Variants in CREB5 observed in about 807,000 individuals in gnomAD.
The protein encoded by CREB5 is cAMP responsive element binding protein 5.
A neutral mutation model predicts 57.1 loss-of-function variants in CREB5; 19 were observed. The ratio of observed to expected loss-of-function variants is 0.33; its 90% CI spans 0.23 to 0.49. The LOEUF (loss-of-function observed/expected upper bound fraction) is 0.49. Among genes scored for constraint, CREB5 ranks in the 20% least tolerant of loss-of-function variants. The probability of loss-of-function intolerance (pLI) is 0.99; values close to 1 mark genes in which losing one functional copy is unlikely to be tolerated. For missense variants in CREB5, 579 were observed against 671.6 expected (o/e 0.86, Z 1.52); for synonymous variants, 238 against 238.3 (o/e 1.00, Z 0.01).
At chr7:28,703,366 A>G (rs567561039) in intron 5 of CREB5, among the ~76,000 whole-genome samples, 1 of 152,304 alleles carries the variant, frequency 6.6e-6, no homozygotes, top group East Asian at 1.9e-4. Flanking sequence ...AATTCTGCTA[A>G]TTCACTTCTA....
chr7:28,391,101 C>T (rs868807458), intron 1 of CREB5, among the ~76,000 whole-genome samples: 1 of 152,094 alleles, frequency 6.6e-6, no homozygotes. Context: ...ATTGGCTATT[C>T]GTTTCTTAGT....
chr7:28,372,830 C>G (rs1433550831), intron 1 of CREB5, among the ~76,000 whole-genome samples: 3 of 152,168 alleles, frequency 2.0e-5, no homozygotes, highest in African/African-American at 7.2e-5. Flanking sequence ...CCATGCAACT[C>G]TCTTAAAAAT....
chr7:28,447,600 T>C (rs915590420), intron 1 of CREB5, among the ~76,000 whole-genome samples: 19 of 152,260 alleles, frequency 1.2e-4, no homozygotes, highest in African/African-American at 4.6e-4. Flanking sequence ...ACATGGACCC[T>C]ACACATGCAC....
intron 1 of CREB5, among the ~76,000 whole-genome samples, chr7:28,478,384 T>C (rs1452873732): frequency 6.6e-6 from 1 of 151,332 alleles, no homozygotes; most frequent in Non-Finnish European, 1.5e-5. Flanking sequence ...AACTTCTCAA[T>C]AAGAAAACAG....
At chr7:28,413,336 C>T (rs952169800) in intron 1 of CREB5, among the ~76,000 whole-genome samples, 2 of 152,006 alleles carry the variant, frequency 1.3e-5, no homozygotes, top group Non-Finnish European at 2.9e-5. Context: ...CAGTTTTCCG[C>T]ATTCAAACCT....
intron 1 of CREB5, among the ~76,000 whole-genome samples, chr7:28,458,140 G>A (rs533828604): frequency 1.3e-5 from 2 of 152,244 alleles, no homozygotes; most frequent in African/African-American, 2.4e-5. Flanking sequence ...GACAGACTTC[G>A]TTTTAGATTT....
intron 5 of CREB5, among the ~76,000 whole-genome samples, chr7:28,631,935 G>T (rs187632885): frequency 6.6e-6 from 1 of 152,128 alleles, no homozygotes; most frequent in Non-Finnish European, 1.5e-5. Context: ...ACAGGCTTAG[G>T]CATGGCGTCT....
chr7:28,613,976 T>C (rs1028242582), intron 5 of CREB5, among the ~76,000 whole-genome samples: 4 of 152,198 alleles, frequency 2.6e-5, no homozygotes, highest in African/African-American at 9.7e-5. Context: ...TTTGGTTTTT[T>C]GACATAGGGT....
At chr7:28,588,940 G>A (rs1049598870) in intron 5 of CREB5, among the ~76,000 whole-genome samples, 2 of 152,136 alleles carry the variant, frequency 1.3e-5, no homozygotes, top group Admixed American at 6.5e-5. Flanking sequence ...TTTCTTCCCA[G>A]CAACGTAGCT....
chr7:28,707,511 G>A (rs1363382901), intron 5 of CREB5, among the ~76,000 whole-genome samples: 4 of 152,172 alleles, frequency 2.6e-5, no homozygotes, highest in African/African-American at 4.8e-5. Flanking sequence ...TGGATTTCCT[G>A]GTTAAGGATG....
chr7:28,793,275 C>T (rs1336049147), intron 7 of CREB5, among the ~76,000 whole-genome samples: 1 of 152,098 alleles, frequency 6.6e-6, no homozygotes, highest in Admixed American at 6.5e-5. Flanking sequence ...GACTGGACAC[C>T]CACAGAGCAC....
At chr7:28,461,907 A>G (rs1264228775) in intron 1 of CREB5, among the ~76,000 whole-genome samples, 1 of 152,092 alleles carries the variant, frequency 6.6e-6, no homozygotes, top group East Asian at 1.9e-4. Flanking sequence ...AGCTTTATTG[A>G]GATATAATTC....
At chr7:28,407,893 G>A (rs10244022), upstream of CREB5, among the ~76,000 whole-genome samples, 40 of 152,226 alleles carry the variant, frequency 2.6e-4, no homozygotes, top group Non-Finnish European at 4.6e-4. Flanking sequence ...CACCGTCATG[G>A]TTGTGATGCA....
At chr7:28,503,770 G>C (rs1428554007) in intron 3 of CREB5, among the ~76,000 whole-genome samples, 1 of 152,180 alleles carries the variant, frequency 6.6e-6, no homozygotes, top group Non-Finnish European at 1.5e-5. Flanking sequence ...GGTTGCGGGA[G>C]GATGGCATAG....
intron 7 of CREB5, among the ~76,000 whole-genome samples, chr7:28,778,484 A>G (rs1806786655): frequency 6.6e-6 from 1 of 152,226 alleles, no homozygotes; most frequent in Non-Finnish European, 1.5e-5. Context: ...ATCATGGTGG[A>G]GACATGGCAC....
intron 3 of CREB5, among the ~76,000 whole-genome samples, chr7:28,502,610 G>C (rs1792315388): frequency 6.6e-6 from 1 of 152,172 alleles, no homozygotes; most frequent in South Asian, 2.1e-4. Context: ...CGCTAATTCA[G>C]ACTAACCTTT....
chr7:28,326,446 T>C (rs1160417026), intron 1 of CREB5, among the ~76,000 whole-genome samples: 2 of 152,216 alleles, frequency 1.3e-5, no homozygotes, highest in Admixed American at 1.3e-4. Context: ...CACAAGCTCA[T>C]GCCAATTGGG....
At chr7:28,660,937 T>C (rs1478868629) in intron 5 of CREB5, among the ~76,000 whole-genome samples, 2 of 152,186 alleles carry the variant, frequency 1.3e-5, no homozygotes, top group African/African-American at 4.8e-5. Context: ...TTGCCAGGCC[T>C]TGAAGGTTCC....
intron 6 of CREB5, among the ~76,000 whole-genome samples, chr7:28,721,689 G>T (rs1258817819): frequency 7.2e-5 from 11 of 152,214 alleles, no homozygotes. Flanking sequence ...TCATAAACTT[G>T]TTGAGCACCT....
Sources: allele counts gnomAD v4.1 joint callset (sites outside exome capture counted in the v4.1 genomes callset), GRCh38; gene constraint gnomAD v4.1.1; transcripts MANE v1.5; gene names NCBI Gene and HGNC (gene_info 2026-07-23, HGNC 2026-07-21).